EDNRB: variants seen among roughly 807,000 people sequenced by gnomAD.
EDNRB encodes endothelin receptor type B, also known as Hirschsprung disease 2.
A neutral mutation model predicts 46.4 loss-of-function variants in EDNRB; 18 were observed. The ratio of observed to expected loss-of-function variants is 0.39; its 90% CI spans 0.27 to 0.57. The LOEUF is 0.57. Among genes scored for constraint, EDNRB ranks in the 20% least tolerant of loss-of-function variants. EDNRB has a pLI of 0.61. For missense variants in EDNRB, 434 were observed against 537.5 expected (o/e 0.81, Z 1.90); for synonymous variants, 213 against 204.9 (o/e 1.04, Z -0.34).
At chr13:77,903,382 T>C in intron 2 of EDNRB, 22 bp from the exon 3 acceptor site, 1 of 1,612,786 alleles carries the variant, frequency 6.2e-7, no homozygotes, top group Non-Finnish European at 8.5e-7. Flanking sequence ...AATAGAATTG[T>C]ATTTTAAGCT....
chr13:77,911,369 G>GA (rs995612225), intron 1 of EDNRB, among the ~76,000 whole-genome samples: 4 of 152,036 alleles, frequency 2.6e-5, no homozygotes, highest in Admixed American at 6.6e-5. Flanking sequence ...GCTGTGATCA[G>GA]AAAATGTCTG....
chr13:77,911,656 C>T (rs895075067), intron 1 of EDNRB, among the ~76,000 whole-genome samples: 3 of 151,964 alleles, frequency 2.0e-5, no homozygotes, highest in African/African-American at 4.8e-5. Flanking sequence ...TCTCCCTTCA[C>T]GCCTTCTCCT....
At chr13:77,902,420 A>T (rs561243004) in intron 3 of EDNRB, among the ~76,000 whole-genome samples, 2 of 151,960 alleles carry the variant, frequency 1.3e-5, no homozygotes, top group South Asian at 4.2e-4. Flanking sequence ...TAGTTTCAGT[A>T]AACAACCCCC....
In EDNRB at chr13:77,897,147, C is replaced by T; in HGVS notation, c.*1053G>A. ...CTGCCCCTTTGTCATGTGGACACTGCACCAGGCAGTTCACAGTCTTTATTA... is the reference window on the plus strand; with the variant it reads ...CTGCCCCTTTGTCATGTGGACACTGTACCAGGCAGTTCACAGTCTTTATTA... On this transcript the variant is annotated 3_prime_UTR_variant, in exon 7 of 7. Transcript: ENST00000646607. 6 of 985,578 alleles carry T rather than the reference C, an allele frequency of 6.1e-6. No individual in the cohort carries two copies. The highest frequency in any genetic ancestry group is 7.2e-6 in the Non-Finnish European group (6 of 830,154). 61.1% of individuals were successfully genotyped at this position (985,578 alleles called of 1,614,324 possible).
chr13:77,912,134 A>G (rs1012474909), intron 1 of EDNRB, among the ~76,000 whole-genome samples: 3 of 152,092 alleles, frequency 2.0e-5, no homozygotes, highest in African/African-American at 4.8e-5. Flanking sequence ...CTTTTGTACA[A>G]CTATGGAAAT....
chr13:77,912,433 T>C (rs1879618102), intron 1 of EDNRB, among the ~76,000 whole-genome samples: 1 of 152,116 alleles, frequency 6.6e-6, no homozygotes, highest in African/African-American at 2.4e-5. Flanking sequence ...GAGTTTCTGG[T>C]TGATTTGAAT....
chr13:77,910,204 A>C (rs1225665172), intron 1 of EDNRB, among the ~76,000 whole-genome samples: 5 of 152,044 alleles, frequency 3.3e-5, no homozygotes, highest in Admixed American at 6.6e-5. Flanking sequence ...AATTAAGAGG[A>C]CAACCAAGAT....
intron 1 of EDNRB, among the ~76,000 whole-genome samples, chr13:77,954,477 A>G (rs1881176253): frequency 7.2e-6 from 1 of 138,460 alleles, no homozygotes. Flanking sequence ...TTTTTAAGAA[A>G]GTATTTATTT....
At chr13:77,955,852 T>TCTAG (rs1555294673) in intron 1 of EDNRB, among the ~76,000 whole-genome samples, 2 of 132,018 alleles carry the variant, frequency 1.5e-5, no homozygotes, top group East Asian at 5.2e-4. Context: ...TGTGTATCTA[T>TCTAG]CTATCTATCT....
intron 1 of EDNRB, among the ~76,000 whole-genome samples, chr13:77,933,422 G>C (rs1710317706): frequency 6.6e-6 from 1 of 152,188 alleles, no homozygotes; most frequent in African/African-American, 2.4e-5. Flanking sequence ...AGGAGTAGGG[G>C]TCACAAGGTG....
chr13:77,918,443 T>A lies in EDNRB; in HGVS notation c.131A>T (p.Glu44Val), dbSNP rs755457512. The change falls in exon 1 of 7, where the codon GAG becomes GTG. Residue 44 changes from glutamate (E) to valine (V), a missense_variant. Transcript: ENST00000646607. The surrounding 1 kb of genome is among the most constrained non-coding windows in gnomAD (Gnocchi z 4.5). ...DRATPLLQTA[E>V]IMTPPTKTLW... is the part of the protein sequence containing the mutation. ...GGTCTTAGTGGGTGGCGTCATTATCTCTGCGGTTTGCAAAAGCGGAGTGGC... is the reference window on the plus strand; with the variant it reads ...GGTCTTAGTGGGTGGCGTCATTATCACTGCGGTTTGCAAAAGCGGAGTGGC... 3.8e-6 allele frequency: 6 copies of A among 1,565,440 alleles called. No homozygotes were observed. The highest frequency in any genetic ancestry group is 5.2e-6 in the Non-Finnish European group (6 of 1,158,418).
chr13:77,936,137 C>T (rs1270012918), intron 1 of EDNRB, among the ~76,000 whole-genome samples: 1 of 151,870 alleles, frequency 6.6e-6, no homozygotes, highest in Admixed American at 6.6e-5. Flanking sequence ...TGATCAGTCG[C>T]TAAGGAGGGA....
In EDNRB at chr13:77,896,832, TC is replaced by T; in HGVS notation, c.*1367del. ...TTCACACACATCTCATCCCAAGCTA[TC>T]CTAAGGCACTTTGCTTAGAAGATAT... On this transcript the variant is annotated 3_prime_UTR_variant, in exon 7 of 7. Transcript: ENST00000646607. The T allele has an allele frequency of 8.9e-7, 1 of 1,129,230 alleles. No homozygotes were observed. The highest frequency in any genetic ancestry group is 6.2e-5 in the East Asian group (1 of 16,124). 70.0% of individuals were successfully genotyped at this position (1,129,230 alleles called of 1,614,324 possible). A position where few individuals can be genotyped will look rare whatever the true frequency, so the allele number is the denominator to read the frequency against.
chr13:77,938,971 C>A (rs1159847272), intron 1 of EDNRB, among the ~76,000 whole-genome samples: 1 of 152,190 alleles, frequency 6.6e-6, no homozygotes, highest in Non-Finnish European at 1.5e-5. Flanking sequence ...TGAGTCACAG[C>A]ACCAAATTTC....
chr13:77,919,731 G>T (rs1880015187), upstream of EDNRB: 2 of 990,756 alleles, frequency 2.0e-6, no homozygotes, highest in Admixed American at 2.5e-5. Flanking sequence ...AGGGAGGGGG[G>T]CAGTCCTCGT....
chr13:77,962,767 G>C (rs1881464267), intron 1 of EDNRB, among the ~76,000 whole-genome samples: 1 of 152,084 alleles, frequency 6.6e-6, no homozygotes, highest in Non-Finnish European at 1.5e-5. Flanking sequence ...GGAAGTTCTG[G>C]CCAGGGCAAT....
chr13:77,918,833 C>T, upstream of EDNRB: 3 of 1,297,422 alleles, frequency 2.3e-6, no homozygotes, highest in Non-Finnish European at 2.9e-6. The surrounding 1 kb of genome is among the most constrained non-coding windows in gnomAD (Gnocchi z 4.5). Context: ...GTTTTTCTTC[C>T]CCCGCGTGGC....
At chr13:77,927,901 T>C (rs61963144) in intron 1 of EDNRB, among the ~76,000 whole-genome samples, 2,146 of 152,278 alleles carry the variant, frequency 0.014, 19 homozygotes, top group Middle Eastern at 0.027. Flanking sequence ...GTTTTTCCCA[T>C]GCTGTTCTCA....
At chr13:77,927,697 A>G (rs1056339762) in intron 1 of EDNRB, among the ~76,000 whole-genome samples, 1 of 152,208 alleles carries the variant, frequency 6.6e-6, no homozygotes, top group African/African-American at 2.4e-5. Flanking sequence ...ATCTTTATCC[A>G]TTCATTAATC....
Sources: allele counts gnomAD v4.1 joint callset (sites outside exome capture counted in the v4.1 genomes callset), GRCh38; gene constraint gnomAD v4.1.1; non-coding constraint Gnocchi (gnomAD v3.1); transcripts MANE v1.5; gene names NCBI Gene and HGNC (gene_info 2026-07-23, HGNC 2026-07-21).